The following OR6C6 variants were observed in gnomAD, a reference collection of about 807,000 sequenced individuals.
OR6C6 encodes the protein olfactory receptor family 6 subfamily C member 6.
For synonymous variants in OR6C6, 140 were observed against 135.2 expected (o/e 1.04, Z -0.25); for missense variants, 411 against 366.8 (o/e 1.12, Z -0.98).
Position 55,294,737 on chromosome 12 carries a change from A to G in OR6C6, c.496T>C (p.Phe166Leu). ...PPLVMGLKLD[F>L]CASKTIDHFM... Reference sequence around the variant, plus strand: ...TGGTCAATAGTTTTGGAAGCACAAAAATCCAGCTTGAGTCCCATGACCAAT... The same window carrying G: ...TGGTCAATAGTTTTGGAAGCACAAAGATCCAGCTTGAGTCCCATGACCAAT... Residue 166 changes from phenylalanine to leucine, a missense_variant, in exon 2 of 2, where the codon TTT (phenylalanine) becomes CTT (leucine). Coordinates refer to ENST00000358433, the MANE Select transcript of OR6C6 (RefSeq NM_001005493.2). The G allele has an allele frequency of 6.2e-7, 1 of 1,614,126 alleles. No homozygotes were observed. Among genetic ancestry groups the G allele is most frequent in the Non-Finnish European group, 8.5e-7 (1 of 1,180,032 alleles).
intron 1 of OR6C6, among the ~76,000 whole-genome samples, 173 bp from the exon 2 acceptor site, chr12:55,295,430 A>G (rs1477873116): frequency 1.3e-5 from 2 of 152,086 alleles, no homozygotes; most frequent in Non-Finnish European, 2.9e-5. Context: ...GCTCTAATCT[A>G]CTAGTTCTCT....
In OR6C6 at chr12:55,294,128, T is replaced by A. The variant is rs1843361904; in HGVS notation, c.*160A>T. On this transcript the variant is annotated 3_prime_UTR_variant, in exon 2 of 2. Coordinates refer to ENST00000358433, the MANE Select transcript of OR6C6 (RefSeq NM_001005493.2). The stretch of plus-strand genomic sequence containing the variant: ...CCCAGCTAATTTTTGTACTTTTAAG[T>A]AGAGACGGGGTTTCACCATGTTGGC... 1.9e-6 allele frequency: 1 copy of A among 530,994 alleles called. No individual in the cohort carries two copies. Among genetic ancestry groups the A allele is most frequent in the Admixed American group, 3.2e-5 (1 of 30,906 alleles). The allele number at this position is 530,994 out of a possible 1,614,324, so 32.9% of individuals were successfully genotyped here.
In OR6C6 at chr12:55,295,096, A is replaced by AT. The variant is rs761613179; in HGVS notation, c.136_137insA (p.Leu46HisfsTer18). 38 of 1,614,036 alleles carry AT rather than the reference A, an allele frequency of 2.4e-5. No individual in the cohort carries two copies. In the South Asian group the frequency reaches 4.2e-4, roughly 18 times the overall value. On this transcript the variant is annotated frameshift_variant, in exon 2 of 2. Transcript: ENST00000358433. LOFTEE classifies it low-confidence loss of function (END_TRUNC). Reference sequence around the variant, plus strand: ...CTTGAGCCGGGGATCCAGCAGGGTGAGGATGATGATGATTAAGTTCCCCAT... The same window carrying AT: ...CTTGAGCCGGGGATCCAGCAGGGTGATGGATGATGATGATTAAGTTCCCCAT...
rs200002470 is a variant in OR6C6, at chr12:55,294,684, C to A, written c.549G>T (p.Leu183=). 3.1e-6 allele frequency: 5 copies of A among 1,613,896 alleles called. No homozygotes were observed. Among genetic ancestry groups the A allele is most frequent in the African/African-American group, 1.3e-5 (1 of 74,900 alleles). The change falls in exon 2 of 2, where the codon CTG becomes CTT. Residue 183 remains leucine, a synonymous_variant. Transcript: ENST00000358433. ...CATGGGTATCTGTGCAGGAGATCTG[C>A]AGAATAGGAGAAGTTTCACACATAA... ...DHFMCETSPI[L]QISCTDTHVL...
chr12:55,294,958 T>A lies in OR6C6; in HGVS notation c.275A>T (p.Tyr92Phe), dbSNP rs200792871. 1 of 1,613,884 alleles carries A rather than the reference T, an allele frequency of 6.2e-7. No homozygotes were observed. The highest frequency in any genetic ancestry group is 1.7e-5 in the Admixed American group (1 of 59,956). The change falls in exon 2 of 2, where the codon TAT becomes TTT. Residue 92 changes from tyrosine to phenylalanine, a missense_variant. Transcript: ENST00000358433. The part of the protein sequence containing the change: ...TIVTRDKTIS[Y>F]NNCATQLFFI... ...AAATAATTGAGTTGCACAATTATTA[T>A]AAGAAATGGTTTTGTCTCTAGTCAC...
In OR6C6 at chr12:55,294,954, A is replaced by T; in HGVS notation, c.279T>A (p.Asn93Lys). 1.9e-6 allele frequency: 3 copies of T among 1,613,900 alleles called. No homozygotes were observed. Among genetic ancestry groups the T allele is most frequent in the Non-Finnish European group, 2.5e-6 (3 of 1,179,932 alleles). The change falls in exon 2 of 2, where the codon AAT becomes AAA. Residue 93 changes from asparagine (N) to lysine (K), a missense_variant. Asn to Lys is a moderately conservative substitution (Grantham distance 94, BLOSUM62 0). Transcript: ENST00000358433. ...IVTRDKTISY[N>K]NCATQLFFIL... Reference sequence around the variant, plus strand: ...TAAAAAATAATTGAGTTGCACAATTATTATAAGAAATGGTTTTGTCTCTAG... The same window carrying T: ...TAAAAAATAATTGAGTTGCACAATTTTTATAAGAAATGGTTTTGTCTCTAG...
intron 1 of OR6C6, among the ~76,000 whole-genome samples, chr12:55,295,703 C>G (rs539790812): frequency 6.6e-6 from 1 of 152,084 alleles, no homozygotes; most frequent in Non-Finnish European, 1.5e-5. Context: ...CTGTACTGAT[C>G]AATGACTATG....
rs1285018161 is a variant in OR6C6 at position 55,294,653 on chromosome 12, C to T, written c.580G>A (p.Glu194Lys). ...ACAGCTAAGGTAAAAGACATCAATT[C>T]TAGGACATGGGTATCTGTGCAGGAG... ...QISCTDTHVL[E>K]LMSFTLAVVT... The change falls in exon 2 of 2, where the codon GAA (glutamate) becomes AAA (lysine). Residue 194 changes from glutamate to lysine, a missense_variant. Transcript: ENST00000358433. 1 of 1,613,870 alleles carries T rather than the reference C, an allele frequency of 6.2e-7. No individual in the cohort carries two copies. Among genetic ancestry groups the T allele is most frequent in the African/African-American group, 1.3e-5 (1 of 74,922 alleles).
intron 1 of OR6C6, 77 bp downstream of exon 1, chr12:55,296,242 A>G (rs1383913517): frequency 6.6e-6 from 1 of 152,038 alleles, no homozygotes; most frequent in East Asian, 1.9e-4. Flanking sequence ...AGCCAAATTT[A>G]ACTCCATGAG....
chr12:55,295,511 C>A (rs1026768248), intron 1 of OR6C6, among the ~76,000 whole-genome samples: 2 of 151,904 alleles, frequency 1.3e-5, no homozygotes, highest in Non-Finnish European at 2.9e-5. Context: ...TGAATTTTAG[C>A]TTATCACTGT....
At position 55,296,358 on chromosome 12, in the gene OR6C6, G is replaced by A. The variant is rs1480609645; in HGVS notation, c.-65C>T. 3 of 151,848 alleles carry A rather than the reference G, an allele frequency of 2.0e-5. No homozygotes were observed. The highest frequency in any genetic ancestry group is 1.5e-5 in the Non-Finnish European group (1 of 67,910). 9.4% of individuals were successfully genotyped at this position (151,848 alleles called of 1,614,324 possible). On this transcript the variant is annotated 5_prime_UTR_variant, in exon 1 of 2. Transcript: ENST00000358433. ...TTATTCATTTCTTTCTGTGTGCACG[G>A]AAGAGATGCATGCTAACATAATTAG...
In OR6C6 at chr12:55,294,175, ACCTCAGGTAACCACCCT is replaced by A. The variant is rs2120394835; in HGVS notation, c.*96_*112del. The A allele has an allele frequency of 1.6e-6, 1 of 639,984 alleles. No individual in the cohort carries two copies. Among genetic ancestry groups the A allele is most frequent in the East Asian group, 2.7e-5 (1 of 36,934 alleles). 39.6% of individuals were successfully genotyped at this position (639,984 alleles called of 1,614,324 possible). On this transcript the variant is annotated 3_prime_UTR_variant, in exon 2 of 2. Coordinates refer to ENST00000358433, the MANE Select transcript of OR6C6 (RefSeq NM_001005493.2). ...TGGCCAGGCTGGTCTCGAACTCCTG[ACCTCAGGTAACCACCCT>A]CCTCAGCCTCCCAAAGTGCTGTGAT...
chr12:55,295,288 C>CAT (rs1407261648), intron 1 of OR6C6, 31 bp from the exon 2 acceptor site: 5 of 795,018 alleles, frequency 6.3e-6, no homozygotes, highest in Admixed American at 5.4e-5. Flanking sequence ...AAAATTTATA[C>CAT]ATATATATAC....
In OR6C6 at chr12:55,294,919, G is replaced by A. The variant is rs112475102; in HGVS notation, c.314C>T (p.Pro105Leu). 2,430 of 1,613,722 alleles carry A rather than the reference G, an allele frequency of 1.5e-3. 28 individuals carry two copies. The African/African-American group carries it at 0.028, about 19-fold the overall frequency. The change falls in exon 2 of 2, where the codon CCG (proline) becomes CTG (leucine). Residue 105 changes from proline (P) to leucine (L), a missense_variant. Transcript: ENST00000358433. ...CAGGAGGTAAAACTCAGTAACTCCC[G>A]GTAAAAGGATAAAAAATAATTGAGT... ...CATQLFFILL[P>L]GVTEFYLLAA...
rs1420882783 is a variant in OR6C6 at position 55,294,777 on chromosome 12, T to G, written c.456A>C (p.Leu152Phe). The change falls in exon 2 of 2, where the codon TTA becomes TTC. Residue 152 changes from leucine (L) to phenylalanine (F), a missense_variant. Coordinates refer to ENST00000358433, the MANE Select transcript of OR6C6 (RefSeq NM_001005493.2). ...CCATGACCAATGGGGGAAATATGATTAAGAATCCAGTTACCCAAGAGCTAA... is the reference window on the plus strand; with the variant it reads ...CCATGACCAATGGGGGAAATATGATGAAGAATCCAGTTACCCAAGAGCTAA... ...LVLSSWVTGF[L>F]IIFPPLVMGL... 6.2e-7 allele frequency: 1 copy of G among 1,613,978 alleles called. No homozygotes were observed. The highest frequency in any genetic ancestry group is 1.7e-5 in the Admixed American group (1 of 59,984).
chr12:55,295,293 A>G, intron 1 of OR6C6, 36 bp from the exon 2 acceptor site: 1 of 806,324 alleles, frequency 1.2e-6, no homozygotes, highest in African/African-American at 1.7e-5. Flanking sequence ...TTATACATAT[A>G]TATACATATA....
chr12:55,294,493 G>A lies in OR6C6; in HGVS notation c.740C>T (p.Ser247Phe). 6.2e-7 allele frequency: 1 copy of A among 1,613,606 alleles called. No individual in the cohort carries two copies. Among genetic ancestry groups the A allele is most frequent in the South Asian group, 1.1e-5 (1 of 91,058 alleles). The change falls in exon 2 of 2, where the codon TCC becomes TTC. Residue 247 changes from serine to phenylalanine, a missense_variant. Coordinates refer to ENST00000358433, the MANE Select transcript of OR6C6 (RefSeq NM_001005493.2). ...AAAGATACAGCTACCGTATGTCATG[G>A]AGACAACAATCATGTGGGAAGTACA... is the stretch of plus-strand genomic sequence containing the variant. ...STCTSHMIVV[S>F]MTYGSCIFMY... is the part of the protein sequence containing the mutation.
At position 55,294,101 on chromosome 12, in the gene OR6C6, C is replaced by T. The variant is rs1242907798; in HGVS notation, c.*187G>A. The T allele has an allele frequency of 6.4e-6, 3 of 471,694 alleles. No homozygotes were observed. The highest frequency in any genetic ancestry group is 5.8e-4 in the Middle Eastern group (1 of 1,726). 29.2% of individuals were successfully genotyped at this position (471,694 alleles called of 1,614,324 possible). ...CTGGGATTACAGGCACTCTCCACCA[C>T]GCCCAGCTAATTTTTGTACTTTTAA... is the stretch of plus-strand genomic sequence containing the variant. On this transcript the variant is annotated 3_prime_UTR_variant, in exon 2 of 2. Transcript: ENST00000358433.
Position 55,294,292 on chromosome 12 carries a change from A to G in OR6C6, c.941T>C (p.Phe314Ser). The G allele has an allele frequency of 1.3e-6, 2 of 1,569,324 alleles. No individual in the cohort carries two copies. The highest frequency in any genetic ancestry group is 2.7e-5 in the African/African-American group (2 of 73,370). ...GTTGTAATTTGTAGCAGATTCTTAA[A>G]ATGGTCTTTTAGAAAAACACAAATT... is the stretch of plus-strand genomic sequence containing the variant. ...QKNLCFSKRP[F>S] Residue 314 changes from phenylalanine (F) to serine (S), a missense_variant, in exon 2 of 2, where the codon TTT becomes TCT. Transcript: ENST00000358433.
Sources: allele counts gnomAD v4.1 joint callset (sites outside exome capture counted in the v4.1 genomes callset), GRCh38; gene constraint gnomAD v4.1.1; transcripts MANE v1.5; gene names NCBI Gene and HGNC (gene_info 2026-07-23, HGNC 2026-07-21).